Variants in KALRN observed in about 807,000 individuals in gnomAD.
KALRN encodes the protein kalirin RhoGEF kinase.
In KALRN, 70 loss-of-function variants were observed where a neutral mutation model predicts 353.7. The ratio of observed to expected loss-of-function variants is 0.20; its 90% CI spans 0.16 to 0.24. The LOEUF (loss-of-function observed/expected upper bound fraction) is 0.24, where lower values mean the gene tolerates loss of function less well. Among genes scored for constraint, KALRN ranks in the 10% least tolerant of loss-of-function variants. KALRN has a pLI of 1.00. For synonymous variants in KALRN, 1,391 were observed against 1,434.8 expected (o/e 0.97, Z 0.69); for missense variants, 2,791 against 3,756.7 (o/e 0.74, Z 6.72).
intron 1 of KALRN, among the ~76,000 whole-genome samples, chr3:124,178,725 G>A (rs901797584): frequency 1.3e-5 from 2 of 152,164 alleles, no homozygotes; most frequent in Non-Finnish European, 2.9e-5. Flanking sequence ...GTGAGTCAGT[G>A]GTGAGTGAAT....
intron 1 of KALRN, among the ~76,000 whole-genome samples, chr3:124,046,612 A>G (rs1219494777): frequency 6.6e-6 from 1 of 151,926 alleles, no homozygotes; most frequent in Non-Finnish European, 1.5e-5. Flanking sequence ...AGCCCTGGAG[A>G]CTCTGGAGCG....
chr3:124,655,711 A>G (rs750688601), intron 39 of KALRN, 44 bp downstream of exon 39: 1 of 1,455,184 alleles, frequency 6.9e-7, no homozygotes, highest in South Asian at 1.1e-5. Context: ...CCCAACCAGG[A>G]GCACGTTGGA....
chr3:124,323,819 G>A (rs1293312370), intron 6 of KALRN, among the ~76,000 whole-genome samples: 1 of 152,224 alleles, frequency 6.6e-6, no homozygotes, highest in Non-Finnish European at 1.5e-5. Flanking sequence ...AATCCAGTTT[G>A]GGAGGACAGC....
intron 33 of KALRN, among the ~76,000 whole-genome samples, chr3:124,560,053 C>T (rs939412943): frequency 6.6e-6 from 1 of 152,196 alleles, no homozygotes; most frequent in East Asian, 1.9e-4. Context: ...CTAGGCTTCT[C>T]GCCAGGAACT....
intron 1 of KALRN, among the ~76,000 whole-genome samples, chr3:124,079,347 T>C (rs1445512738): frequency 2.3e-4 from 35 of 152,198 alleles, no homozygotes; most frequent in African/African-American, 8.2e-4. Flanking sequence ...TTAAGAATCA[T>C]TGTGATGGAT....
chr3:124,536,422 G>A (rs866516095), intron 33 of KALRN, among the ~76,000 whole-genome samples: 7 of 151,938 alleles, frequency 4.6e-5, no homozygotes, highest in Middle Eastern at 3.4e-3. Context: ...GGCTGGTCTT[G>A]AACTCCTGAC....
chr3:124,074,690 G>A (rs2149284931), intron 1 of KALRN, among the ~76,000 whole-genome samples: 1 of 152,256 alleles, frequency 6.6e-6, no homozygotes. Context: ...CTGGAAAAGT[G>A]TAGCTCCATA....
At chr3:124,089,007 T>C (rs2060964301) in intron 1 of KALRN, among the ~76,000 whole-genome samples, 1 of 151,350 alleles carries the variant, frequency 6.6e-6, no homozygotes, top group Admixed American at 6.6e-5. Flanking sequence ...GGTGGCCCTG[T>C]GGAACACACA....
intron 1 of KALRN, among the ~76,000 whole-genome samples, chr3:124,226,446 T>A (rs1265603864): frequency 6.6e-6 from 1 of 152,230 alleles, no homozygotes; most frequent in Non-Finnish European, 1.5e-5. Flanking sequence ...AAGTGAGCCT[T>A]GTAGCTGGTT....
intron 35 of KALRN, 44 bp from the exon 36 acceptor site, chr3:124,633,808 A>C (rs1298288516): frequency 6.5e-7 from 1 of 1,546,440 alleles, no homozygotes; most frequent in South Asian, 1.1e-5. Flanking sequence ...AACCACTGGC[A>C]TGTTTGTGAC....
At chr3:124,046,229 CAA>C (rs1338258150) in intron 1 of KALRN, among the ~76,000 whole-genome samples, 1 of 152,148 alleles carries the variant, frequency 6.6e-6, no homozygotes, top group Non-Finnish European at 1.5e-5. Flanking sequence ...GGTAGAGACT[CAA>C]AGTATTAGAA....
intron 1 of KALRN, among the ~76,000 whole-genome samples, chr3:124,101,380 A>G (rs927469953): frequency 1.3e-5 from 2 of 152,218 alleles, no homozygotes; most frequent in African/African-American, 4.8e-5. Flanking sequence ...TGCCAGAATT[A>G]GAGAAAGAAA....
At chr3:124,133,963 G>A (rs2065616014) in intron 1 of KALRN, among the ~76,000 whole-genome samples, 1 of 152,114 alleles carries the variant, frequency 6.6e-6, no homozygotes, top group African/African-American at 2.4e-5. Flanking sequence ...CCAAAAGCAA[G>A]CTACAAATTC....
chr3:124,659,288 C>A, intron 42 of KALRN, 77 bp from the exon 43 acceptor site: 1 of 937,378 alleles, frequency 1.1e-6, no homozygotes. Flanking sequence ...ACCTGTCTTC[C>A]ATGCCTTTGA....
At chr3:124,555,239 A>G (rs1471224904) in intron 33 of KALRN, among the ~76,000 whole-genome samples, 1 of 151,864 alleles carries the variant, frequency 6.6e-6, no homozygotes, top group Non-Finnish European at 1.5e-5. Context: ...TAAAGAAAAA[A>G]AAAAGTTCTC....
chr3:124,604,979 A>G (rs2077182599), intron 34 of KALRN, among the ~76,000 whole-genome samples: 1 of 151,906 alleles, frequency 6.6e-6, no homozygotes, highest in South Asian at 2.1e-4. Flanking sequence ...ACATGGCAAA[A>G]CCTCATCTCT....
chr3:124,061,891 C>T (rs1207463223), intron 1 of KALRN, among the ~76,000 whole-genome samples: 1 of 152,034 alleles, frequency 6.6e-6, no homozygotes, highest in African/African-American at 2.4e-5. Context: ...GGCACAAGTG[C>T]TTGTTGTAAA....
At chr3:124,157,657 G>A (rs936899439) in intron 1 of KALRN, among the ~76,000 whole-genome samples, 9 of 152,108 alleles carry the variant, frequency 5.9e-5, no homozygotes, top group African/African-American at 2.2e-4. Flanking sequence ...AAATAAGGGG[G>A]GTAGAAGTTA....
intron 34 of KALRN, among the ~76,000 whole-genome samples, chr3:124,599,540 C>T (rs972003459): frequency 6.6e-6 from 1 of 152,170 alleles, no homozygotes; most frequent in Non-Finnish European, 1.5e-5. Flanking sequence ...GCTGCTGCCT[C>T]CTGCTGCGAT....
Sources: gnomAD v4.1 joint callset for allele counts (sites outside exome capture counted in the v4.1 genomes callset) on GRCh38, gnomAD v4.1.1 for gene constraint, MANE v1.5 for transcripts, NCBI Gene and HGNC (gene_info 2026-07-23, HGNC 2026-07-21) for gene names.